TTC7B: variants seen among roughly 807,000 people sequenced by gnomAD.
The protein encoded by TTC7B is tetratricopeptide repeat protein 7B.
TTC7B carries 28 observed loss-of-function variants against 106.8 expected under a neutral mutation model. The ratio of observed to expected loss-of-function variants is 0.26; its 90% CI spans 0.19 to 0.36. The LOEUF is 0.36. TTC7B is among the 10% of genes least tolerant of loss of function. TTC7B has a pLI of 1.00. For missense variants in TTC7B, 862 were observed against 1,076.4 expected (o/e 0.80, Z 2.79); for synonymous variants, 405 against 430.6 (o/e 0.94, Z 0.74).
rs2030340127 is a variant in TTC7B, at chr14:90,802,573, A to T, written c.121+13602T>A. Among the ~76,000 whole-genome samples, 1 of 152,212 alleles carries T rather than the reference A, an allele frequency of 6.6e-6. No individual in the cohort carries two copies. Among genetic ancestry groups the T allele is most frequent in the Non-Finnish European group, 1.5e-5 (1 of 68,020 alleles). On this transcript the variant is annotated intron_variant, in intron 1 of 19. Coordinates refer to ENST00000328459, the MANE Select transcript of TTC7B (RefSeq NM_001010854.2). This position sits in a 1 kb window ranked among gnomAD's most constrained non-coding sequence, Gnocchi z 4.7. The stretch of plus-strand genomic sequence containing the variant: ...CCTCAGTAAAGTATGAGGCAAGGTC[A>T]TGAGCTAGGCATGAGAGGGTGGCTT...
At chr14:90,607,634 A>C (rs1892700764) in intron 17 of TTC7B, among the ~76,000 whole-genome samples, 1 of 152,232 alleles carries the variant, frequency 6.6e-6, no homozygotes, top group Non-Finnish European at 1.5e-5. Context: ...CATGAACTGA[A>C]AACTGTTCAA....
rs1393813497 is a variant in TTC7B at position 90,532,268 on chromosome 14, C to A, written c.*9100G>T. 1 of 152,192 alleles carries A rather than the reference C, an allele frequency of 6.6e-6. No individual in the cohort carries two copies. The highest frequency in any genetic ancestry group is 2.4e-5 in the African/African-American group (1 of 41,442). 9.4% of individuals were successfully genotyped at this position (152,192 alleles called of 1,614,324 possible). A position where few individuals can be genotyped will look rare whatever the true frequency, so the allele number is the denominator to read the frequency against. On this transcript the variant is annotated 3_prime_UTR_variant, in exon 20 of 20. Transcript: ENST00000328459. ...ATATTTGTAAAAATTAACATAGTTA[C>A]CTTTGGACAACATATTAAAGAAAGA...
chr14:90,696,522 C>A (rs9323853), intron 5 of TTC7B, among the ~76,000 whole-genome samples: 122,422 of 152,102 alleles, frequency 0.8, 49,591 homozygotes, highest in East Asian at 0.99. Context: ...GTGGCAGATG[C>A]TCTAGGTATT....
At position 90,525,988 on chromosome 14, in the gene TTC7B, A is replaced by T. The variant is rs1299064404; in HGVS notation, c.*15380T>A. On this transcript the variant is annotated 3_prime_UTR_variant, in exon 20 of 20. Transcript: ENST00000328459. Reference sequence around the variant, plus strand: ...ATAAAAAAAAATAAAAAAAATAAAAAAAAAAAAGAAGTCTTTGTATTTTAT... The same window carrying T: ...ATAAAAAAAAATAAAAAAAATAAAATAAAAAAAGAAGTCTTTGTATTTTAT... 8 of 143,344 alleles carry T rather than the reference A, an allele frequency of 5.6e-5. 1 individual carries two copies. The highest frequency in any genetic ancestry group is 5.5e-4 in the East Asian group (2 of 3,618). 8.9% of individuals were successfully genotyped at this position (143,344 alleles called of 1,614,324 possible). A position where few individuals can be genotyped will look rare whatever the true frequency, so the allele number is the denominator to read the frequency against.
chr14:90,541,166 T>C lies in TTC7B; in HGVS notation c.*202A>G, dbSNP rs371613352. On this transcript the variant is annotated 3_prime_UTR_variant, in exon 20 of 20. Transcript: ENST00000328459. Reference sequence around the variant, plus strand: ...ATGTCAATAGGTTCAGAAACTACCATTGGGCTGGCAAAAAAAACAAGAGAA... The same window carrying C: ...ATGTCAATAGGTTCAGAAACTACCACTGGGCTGGCAAAAAAAACAAGAGAA... 119 of 489,830 alleles carry C rather than the reference T, an allele frequency of 2.4e-4. 3 individuals carry two copies. In the South Asian group the frequency reaches 3.2e-3, roughly 13 times the overall value. 30.3% of individuals were successfully genotyped at this position (489,830 alleles called of 1,614,324 possible). A position where few individuals can be genotyped will look rare whatever the true frequency, so the allele number is the denominator to read the frequency against.
Position 90,575,011 on chromosome 14 carries a change from G to A in TTC7B, c.2310+3095C>T, listed in dbSNP as rs546497096. On this transcript the variant is annotated intron_variant, in intron 19 of 19. Transcript: ENST00000328459. This position sits in a 1 kb window ranked among gnomAD's most constrained non-coding sequence, Gnocchi z 5.2. Reference sequence around the variant, plus strand: ...CCCTGGCCTCCCTGGCCTCCCCCTCGCCGCTCTCCCTGTGTGCCAGGCAAC... The same window carrying A: ...CCCTGGCCTCCCTGGCCTCCCCCTCACCGCTCTCCCTGTGTGCCAGGCAAC... 1.4e-4 allele frequency among the ~76,000 whole-genome samples: 21 copies of A among 152,108 alleles called. No homozygotes were observed. The East Asian group carries it at 2.5e-3, about 18-fold the overall frequency.
chr14:90,607,269 T>C (rs968488989), intron 17 of TTC7B, among the ~76,000 whole-genome samples: 1 of 152,234 alleles, frequency 6.6e-6, no homozygotes, highest in African/African-American at 2.4e-5. Context: ...CGGGTGATCC[T>C]GGGCCTGTGC....
intron 17 of TTC7B, among the ~76,000 whole-genome samples, chr14:90,604,123 C>G (rs1037420485): frequency 1.3e-5 from 2 of 152,116 alleles, no homozygotes; most frequent in Non-Finnish European, 2.9e-5. Context: ...CAAGATGCAA[C>G]ATGAAAAATA....
intron 19 of TTC7B, among the ~76,000 whole-genome samples, chr14:90,553,067 A>AG (rs949134418): frequency 1.3e-5 from 2 of 152,192 alleles, no homozygotes; most frequent in African/African-American, 2.4e-5. Flanking sequence ...AGATGCCCCC[A>AG]GGGGGCTCTT....
At chr14:90,676,812 T>C (rs1886859806) in intron 8 of TTC7B, 152 bp from the exon 9 acceptor site, 1 of 763,316 alleles carries the variant, frequency 1.3e-6, no homozygotes, top group Non-Finnish European at 2.1e-6. Flanking sequence ...GGGTTATTTA[T>C]TCAAAATCCC....
At chr14:90,658,187 T>C (rs2139900331) in intron 10 of TTC7B, 117 bp downstream of exon 10, 1 of 864,572 alleles carries the variant, frequency 1.2e-6, no homozygotes, top group East Asian at 2.6e-5. Flanking sequence ...CGATAGTTTC[T>C]CAGAGTGGCT....
intron 17 of TTC7B, chr14:90,603,257 TG>T: frequency 7.8e-7 from 1 of 1,289,366 alleles, no homozygotes; most frequent in Non-Finnish European, 1.0e-6. Context: ...ACTTACTAAC[TG>T]AAAAAAGGGA....
intron 15 of TTC7B, among the ~76,000 whole-genome samples, chr14:90,632,825 A>G (rs1884760282): frequency 6.6e-6 from 1 of 152,220 alleles, no homozygotes. Flanking sequence ...ACTACCCACC[A>G]TAGATAGTTC....
At chr14:90,797,763 T>C (rs2029970629) in intron 1 of TTC7B, among the ~76,000 whole-genome samples, 1 of 152,172 alleles carries the variant, frequency 6.6e-6, no homozygotes, top group South Asian at 2.1e-4. Context: ...GATGTACAGA[T>C]AGGGATGTTT....
chr14:90,574,217 G>C (rs979035238), intron 19 of TTC7B, among the ~76,000 whole-genome samples: 1 of 152,184 alleles, frequency 6.6e-6, no homozygotes, highest in Non-Finnish European at 1.5e-5. Context: ...GGGAGCTAAA[G>C]GCTTTTTAAC....
chr14:90,674,594 C>T (rs1444532973), intron 9 of TTC7B, among the ~76,000 whole-genome samples: 5 of 152,252 alleles, frequency 3.3e-5, no homozygotes, highest in Non-Finnish European at 5.9e-5. Context: ...AGGGGCCACA[C>T]CTTGCTCCTG....
At chr14:90,774,866 CCT>C (rs1216206195) in intron 3 of TTC7B, among the ~76,000 whole-genome samples, 1 of 152,148 alleles carries the variant, frequency 6.6e-6, no homozygotes, top group East Asian at 1.9e-4. Flanking sequence ...ATGGTGAAAC[CCT>C]GTCTCTACTA....
chr14:90,652,860 C>T lies in TTC7B; in HGVS notation c.1498G>A (p.Ala500Thr). 1 of 1,614,214 alleles carries T rather than the reference C, an allele frequency of 6.2e-7. No homozygotes were observed. Among genetic ancestry groups the T allele is most frequent in the East Asian group, 2.2e-5 (1 of 44,888 alleles). The change falls in exon 13 of 20, where the codon GCG becomes ACG. Residue 500 changes from alanine (A) to threonine (T), a missense_variant. By Grantham distance (58) the Ala-to-Thr change is moderately conservative. Coordinates refer to ENST00000328459, the MANE Select transcript of TTC7B (RefSeq NM_001010854.2). ...RGMQEVLQRKALLAFQRAHSL... is the reference protein window; with the variant it reads ...RGMQEVLQRKTLLAFQRAHSL... ...ACTCACCTCTGAAATGCAAGAAGCGCCTTTCTCTGTAGGACCTCCTGCATC... is the reference window on the plus strand; with the variant it reads ...ACTCACCTCTGAAATGCAAGAAGCGTCTTTCTCTGTAGGACCTCCTGCATC...
chr14:90,768,301 G>C (rs1254813965), intron 3 of TTC7B, among the ~76,000 whole-genome samples: 1 of 152,182 alleles, frequency 6.6e-6, no homozygotes, highest in Non-Finnish European at 1.5e-5. Flanking sequence ...GAGACCTCAG[G>C]AGACTTACAA....
Sources: gnomAD v4.1 joint callset for allele counts (sites outside exome capture counted in the v4.1 genomes callset) on GRCh38, gnomAD v4.1.1 for gene constraint, Gnocchi (gnomAD v3.1) non-coding constraint, MANE v1.5 for transcripts, NCBI Gene and HGNC (gene_info 2026-07-23, HGNC 2026-07-21) for gene names.